Variants in RBFOX1 observed in about 807,000 individuals in gnomAD.
The protein encoded by RBFOX1 is RNA binding fox-1 homolog 1, also known as RNA binding protein fox-1 homolog 1.
RBFOX1 carries 8 observed loss-of-function variants against 57.7 expected under a neutral mutation model. That is an observed-to-expected ratio of 0.14 (90% confidence interval 0.08 to 0.25). The LOEUF (loss-of-function observed/expected upper bound fraction) is 0.25. RBFOX1 is among the 10% of genes least tolerant of loss of function. The pLI is 1.00. For synonymous variants in RBFOX1, 326 were observed against 222.4 expected, an observed-to-expected ratio of 1.47 and a Z score of -4.15; for missense variants, 611 against 548.5, an observed-to-expected ratio of 1.11 and a Z score of -1.14.
chr16:7,575,929 G>T (rs898510093), intron 5 of RBFOX1, among the ~76,000 whole-genome samples: 2 of 151,908 alleles, frequency 1.3e-5, no homozygotes, highest in South Asian at 4.2e-4. Flanking sequence ...AGTACCATTA[G>T]TGTCCTTTTT....
intron 3 of RBFOX1, among the ~76,000 whole-genome samples, chr16:6,753,879 G>C (rs962379162): frequency 8.5e-5 from 13 of 152,058 alleles, no homozygotes; most frequent in African/African-American, 2.9e-4. Context: ...TGTGCTCTCG[G>C]TCATTTGTCA....
In RBFOX1 at chr16:6,266,921, C is replaced by T. The variant is rs1165779058; in HGVS notation, c.-126-50074C>T. On this transcript the variant is annotated intron_variant, in intron 1 of 15. Coordinates refer to ENST00000550418, the MANE Select transcript of RBFOX1 (RefSeq NM_018723.4). ...GATTGATTCGCTTCTGAATTCCATA[C>T]TCTTAGCAGAGTGCCTTATGATTGG... Among the ~76,000 whole-genome samples, 5 of 152,142 alleles carry T rather than the reference C, an allele frequency of 3.3e-5. No individual in the cohort carries two copies. The East Asian group carries it at 7.7e-4, about 23-fold the overall frequency.
intron 5 of RBFOX1, among the ~76,000 whole-genome samples, chr16:7,543,342 T>C (rs1319849477): frequency 1.3e-5 from 2 of 152,168 alleles, no homozygotes; most frequent in African/African-American, 4.8e-5. Flanking sequence ...TTCTGGGAGA[T>C]ATTTGAGATC....
At chr16:5,921,632 C>T (rs548666245) in intron 4 of RBFOX1, among the ~76,000 whole-genome samples, 6 of 152,202 alleles carry the variant, frequency 3.9e-5, no homozygotes, top group East Asian at 3.9e-4. Flanking sequence ...GTGGTTCTTG[C>T]GTTGCCCTAA....
At chr16:7,073,150 A>T (rs576797732) in intron 4 of RBFOX1, among the ~76,000 whole-genome samples, 1 of 152,284 alleles carries the variant, frequency 6.6e-6, no homozygotes, top group East Asian at 1.9e-4. Flanking sequence ...TCAGCAAATT[A>T]TGCTCTGCAG....
At chr16:6,843,640 C>T (rs1054125564) in intron 3 of RBFOX1, among the ~76,000 whole-genome samples, 1 of 152,102 alleles carries the variant, frequency 6.6e-6, no homozygotes, top group Non-Finnish European at 1.5e-5. Flanking sequence ...AGTGAGCCGA[C>T]ATCGCGCCAC....
chr16:5,604,815 C>T (rs2047508621), downstream of RBFOX1, among the ~76,000 whole-genome samples: 1 of 152,182 alleles, frequency 6.6e-6, no homozygotes, highest in Admixed American at 6.5e-5. Flanking sequence ...CAGACCACTT[C>T]AGTGTTTGAC....
chr16:5,336,762 CCTTCTGGTGAG>C (rs2064905940), intron 1 of RBFOX1, among the ~76,000 whole-genome samples: 1 of 152,216 alleles, frequency 6.6e-6, no homozygotes, highest in Admixed American at 6.5e-5. Context: ...CAGCCCCCCT[CCTTCTGGTGAG>C]CTCCTGGGCT....
At chr16:5,771,075 A>G (rs547512011) in intron 3 of RBFOX1, among the ~76,000 whole-genome samples, 3 of 152,318 alleles carry the variant, frequency 2.0e-5, no homozygotes, top group African/African-American at 7.2e-5. Flanking sequence ...AGATCTACTG[A>G]GTCATAAACT....
intron 4 of RBFOX1, among the ~76,000 whole-genome samples, chr16:7,217,642 A>T (rs1031459206): frequency 3.3e-5 from 5 of 152,034 alleles, no homozygotes; most frequent in African/African-American, 1.2e-4. Flanking sequence ...AAAGGAAAAA[A>T]AAATGTCAGT....
intron 2 of RBFOX1, among the ~76,000 whole-genome samples, chr16:5,573,143 AACT>A (rs1447600345): frequency 6.6e-6 from 1 of 152,088 alleles, no homozygotes; most frequent in Non-Finnish European, 1.5e-5. Context: ...TCTGTTATGA[AACT>A]CAAGTTGGGA....
rs111884530 is a variant in RBFOX1, at chr16:7,697,343, A to C, written c.996-11713A>C. ...ATGTCCACTCCCCACTCTTGTTCTA[A>C]GGGTCTATCAGTTAATTCCATGGAG... is the stretch of plus-strand genomic sequence containing the variant. On this transcript the variant is annotated intron_variant, in intron 14 of 15. Transcript: ENST00000550418. Among the ~76,000 whole-genome samples, 470 of 152,266 alleles carry C rather than the reference A, an allele frequency of 3.1e-3. 2 individuals are homozygous for C. Among genetic ancestry groups the C allele is most frequent in the Non-Finnish European group, 4.8e-3 (329 of 68,020 alleles).
At chr16:6,523,969 C>G (rs915237875) in intron 2 of RBFOX1, among the ~76,000 whole-genome samples, 3 of 152,142 alleles carry the variant, frequency 2.0e-5, no homozygotes, top group East Asian at 3.9e-4. Flanking sequence ...AGAATGGGGT[C>G]TTCATCCCTC....
At chr16:6,467,075 A>G (rs1387044120) in intron 2 of RBFOX1, among the ~76,000 whole-genome samples, 2 of 151,064 alleles carry the variant, frequency 1.3e-5, no homozygotes, top group Non-Finnish European at 3.0e-5. Context: ...TATTTAATAT[A>G]CTAACCATTT....
At chr16:5,601,158 C>A (rs2047352043), downstream of RBFOX1, 1 of 152,256 alleles carries the variant, frequency 6.6e-6, no homozygotes, top group African/African-American at 2.4e-5. Context: ...AGCAGACTTT[C>A]ATTATCTCAC....
chr16:7,586,112 TG>T (rs1234597912), intron 6 of RBFOX1, among the ~76,000 whole-genome samples: 1 of 152,266 alleles, frequency 6.6e-6, no homozygotes. Flanking sequence ...TATGTTGCCC[TG>T]TTTAATTTTT....
At chr16:7,370,294 A>C (rs2097543215) in intron 4 of RBFOX1, among the ~76,000 whole-genome samples, 1 of 152,202 alleles carries the variant, frequency 6.6e-6, no homozygotes, top group Non-Finnish European at 1.5e-5. Flanking sequence ...AAGACAAAAT[A>C]CTAAGAAGCA....
chr16:7,508,694 A>T (rs769436713), intron 4 of RBFOX1, among the ~76,000 whole-genome samples: 1 of 152,136 alleles, frequency 6.6e-6, no homozygotes, highest in Non-Finnish European at 1.5e-5. Context: ...TTAAAAAGAA[A>T]AACCTCGCCC....
At chr16:7,002,924 G>T (rs55729325) in intron 3 of RBFOX1, among the ~76,000 whole-genome samples, 32,969 of 151,782 alleles carry the variant, frequency 0.22, 4,012 homozygotes, top group Middle Eastern at 0.33. Flanking sequence ...AGAAACTTAG[G>T]AAGTTAGAAA....
Sources: gnomAD v4.1 joint callset for allele counts (sites outside exome capture counted in the v4.1 genomes callset) on GRCh38, gnomAD v4.1.1 for gene constraint, MANE v1.5 for transcripts, NCBI Gene and HGNC (gene_info 2026-07-23, HGNC 2026-07-21) for gene names.